The following DDX10 variants were observed in gnomAD, a reference collection of about 807,000 sequenced individuals.
DDX10 encodes DEAD-box helicase 10.
A neutral mutation model predicts 104.3 loss-of-function variants in DDX10; 74 were observed. That is an observed-to-expected ratio of 0.71 (90% CI 0.59 to 0.86). The LOEUF is 0.86. Ranked by LOEUF, DDX10 falls within the 40% of genes least tolerant of loss-of-function variation. The pLI, the probability that DDX10 is intolerant of heterozygous loss-of-function variation, is 0.00. For synonymous variants in DDX10, 351 were observed against 353.4 expected, an observed-to-expected ratio of 0.99 and a Z score of 0.08; for missense variants, 952 against 1,040.0, an observed-to-expected ratio of 0.92 and a Z score of 1.16.
At chr11:108,743,356 AG>A (rs1427728755) in intron 13 of DDX10, among the ~76,000 whole-genome samples, 1 of 152,170 alleles carries the variant, frequency 6.6e-6, no homozygotes, top group East Asian at 1.9e-4. Flanking sequence ...CCCTCTAACT[AG>A]GCATTGAAGG....
At chr11:108,926,090 T>G (rs17108749) in intron 17 of DDX10, among the ~76,000 whole-genome samples, 2,760 of 152,278 alleles carry the variant, frequency 0.018, 97 homozygotes, top group African/African-American at 0.063. Context: ...TACATGCAGA[T>G]TAGCTGTGAG....
chr11:108,803,525 C>G (rs997584878), intron 13 of DDX10, among the ~76,000 whole-genome samples: 66 of 142,928 alleles, frequency 4.6e-4, no homozygotes, highest in African/African-American at 1.6e-3. Flanking sequence ...ACCCAGGAGG[C>G]AGAGGTTGCG....
chr11:108,925,651 C>T (rs1863898829), intron 17 of DDX10, among the ~76,000 whole-genome samples: 1 of 152,156 alleles, frequency 6.6e-6, no homozygotes, highest in Non-Finnish European at 1.5e-5. Flanking sequence ...CCTTGTCTAC[C>T]TCCCTTTTAA....
intron 16 of DDX10, among the ~76,000 whole-genome samples, chr11:108,880,163 G>A (rs917868272): frequency 6.6e-6 from 1 of 152,190 alleles, no homozygotes; most frequent in Non-Finnish European, 1.5e-5. Flanking sequence ...TGTCAAGATT[G>A]GTTTCTGAGG....
chr11:108,771,865 C>G (rs2094363614), intron 13 of DDX10, among the ~76,000 whole-genome samples: 1 of 152,182 alleles, frequency 6.6e-6, no homozygotes, highest in African/African-American at 2.4e-5. Flanking sequence ...CTTGATCCAT[C>G]ATGGTCAGTA....
At position 108,887,124 on chromosome 11, in the gene DDX10, G is replaced by A. The variant is rs1002788233; in HGVS notation, c.2305-30749G>A. ...AGAGTTTGGAAATACCTACAAATTA[G>A]AATATTTTTAATAGAGAAAAGGAAA... On this transcript the variant is annotated intron_variant, in intron 16 of 17. Transcript: ENST00000322536. 4.6e-5 allele frequency among the ~76,000 whole-genome samples: 7 copies of A among 152,190 alleles called. No homozygotes were observed. The East Asian group carries it at 1.4e-3, about 29-fold the overall frequency.
At chr11:108,716,221 G>A (rs1017262325) in intron 11 of DDX10, among the ~76,000 whole-genome samples, 11 of 151,846 alleles carry the variant, frequency 7.2e-5, no homozygotes, top group East Asian at 3.9e-4. Flanking sequence ...TCAGCCTCCC[G>A]GGTAGCTGGG....
intron 13 of DDX10, among the ~76,000 whole-genome samples, chr11:108,752,176 C>T (rs2094339539): frequency 6.6e-6 from 1 of 152,006 alleles, no homozygotes; most frequent in African/African-American, 2.4e-5. Flanking sequence ...TGAGGATGGT[C>T]ATGGTAGTTT....
At position 108,841,395 on chromosome 11, in the gene DDX10, A is replaced by G; in HGVS notation, c.2166A>G (p.Leu722=). Residue 722 remains leucine (L), a synonymous_variant, in exon 15 of 18, where the codon TTA becomes TTG. Coordinates refer to ENST00000322536, the MANE Select transcript of DDX10 (RefSeq NM_004398.4). ...ATGATGACACAGGTGGTATCAACTT[A>G]CATAAAGCAAAGGAAAGACTTCAGG... The part of the protein sequence containing the change: ...EEDDDTGGIN[L]HKAKERLQEE... 6.2e-7 allele frequency: 1 copy of G among 1,613,962 alleles called. No individual in the cohort carries two copies.
At chr11:108,776,015 G>C (rs2094369411) in intron 13 of DDX10, among the ~76,000 whole-genome samples, 1 of 152,086 alleles carries the variant, frequency 6.6e-6, no homozygotes, top group Non-Finnish European at 1.5e-5. Context: ...GTATCTTGTT[G>C]TTTGAATATA....
intron 15 of DDX10, among the ~76,000 whole-genome samples, chr11:108,850,248 A>C (rs1455373482): frequency 6.6e-6 from 1 of 152,158 alleles, no homozygotes; most frequent in East Asian, 1.9e-4. Flanking sequence ...TGCACATGTA[A>C]ATTCTGATAG....
At chr11:108,861,952 G>A (rs1161352555) in intron 16 of DDX10, among the ~76,000 whole-genome samples, 2 of 152,012 alleles carry the variant, frequency 1.3e-5, no homozygotes. Flanking sequence ...GCTTGAACTC[G>A]GGAGGCGGAG....
intron 13 of DDX10, among the ~76,000 whole-genome samples, chr11:108,798,451 G>T (rs1861975956): frequency 6.6e-6 from 1 of 151,986 alleles, no homozygotes; most frequent in African/African-American, 2.4e-5. Flanking sequence ...GTAATTCCTG[G>T]TTTTCTCCTC....
intron 16 of DDX10, among the ~76,000 whole-genome samples, chr11:108,892,563 C>T (rs1261210289): frequency 6.6e-6 from 1 of 152,050 alleles, no homozygotes; most frequent in Non-Finnish European, 1.5e-5. Context: ...AATGCCCGTG[C>T]AATCAGCGTT....
At chr11:108,841,956 T>G (rs1862644549) in intron 15 of DDX10, among the ~76,000 whole-genome samples, 1 of 152,338 alleles carries the variant, frequency 6.6e-6, no homozygotes, top group African/African-American at 2.4e-5. Flanking sequence ...CTAAGTAATG[T>G]CCCATCGTAT....
chr11:108,914,951 C>T (rs149550249), intron 16 of DDX10, among the ~76,000 whole-genome samples: 9 of 150,992 alleles, frequency 6.0e-5, no homozygotes, highest in Non-Finnish European at 8.8e-5. Flanking sequence ...AACAGCAAAC[C>T]TGAACACCCA....
intron 16 of DDX10, among the ~76,000 whole-genome samples, chr11:108,892,199 C>T (rs975926009): frequency 6.6e-6 from 1 of 152,054 alleles, no homozygotes; most frequent in African/African-American, 2.4e-5. Context: ...TTGGTGCCAT[C>T]CTGGTGGTAA....
intron 15 of DDX10, among the ~76,000 whole-genome samples, chr11:108,847,379 T>C (rs1354844815): frequency 6.6e-6 from 1 of 152,224 alleles, no homozygotes; most frequent in Non-Finnish European, 1.5e-5. Context: ...TAATATTTGC[T>C]ATCACAGCTG....
intron 13 of DDX10, among the ~76,000 whole-genome samples, chr11:108,815,766 T>C (rs2134572318): frequency 6.6e-6 from 1 of 152,298 alleles, no homozygotes; most frequent in East Asian, 1.9e-4. Flanking sequence ...TGACTAGATA[T>C]TCATTCTAGT....
Sources: gnomAD v4.1 joint callset for allele counts (sites outside exome capture counted in the v4.1 genomes callset) on GRCh38, gnomAD v4.1.1 for gene constraint, MANE v1.5 for transcripts, NCBI Gene and HGNC (gene_info 2026-07-23, HGNC 2026-07-21) for gene names.